The following OVCH1 variants were observed in gnomAD, a reference collection of about 807,000 sequenced individuals.
OVCH1 encodes the protein ovochymase-1.
In OVCH1, 139 loss-of-function variants were observed where a neutral mutation model predicts 138.4. The ratio of observed to expected loss-of-function variants is 1.00; its 90% confidence interval spans 0.87 to 1.16. OVCH1 has a LOEUF of 1.16. Among genes scored for constraint, OVCH1 ranks in the 50% most tolerant of loss-of-function variants. The pLI, the probability that OVCH1 is intolerant of heterozygous loss-of-function variation, is 0.00. For missense variants in OVCH1, 1,367 were observed against 1,357.9 expected (o/e 1.01, Z -0.11); for synonymous variants, 453 against 467.8 (o/e 0.97, Z 0.41).
At chr12:29,479,037 C>T in intron 8 of OVCH1, 69 bp from the exon 10 acceptor site, 1 of 532,390 alleles carries the variant, frequency 1.9e-6, no homozygotes. Flanking sequence ...AAATCTAATA[C>T]CTGTGCTTTA....
At chr12:29,417,507 G>A (rs1941047031) in intron 3 of OVCH1, among the ~76,000 whole-genome samples, 1 of 150,862 alleles carries the variant, frequency 6.6e-6, no homozygotes, top group Non-Finnish European at 1.5e-5. Flanking sequence ...AATCCTTGGG[G>A]TGATTGATAG....
intron 9 of OVCH1, among the ~76,000 whole-genome samples, chr12:29,478,628 T>C (rs1942822940): frequency 6.6e-6 from 1 of 152,172 alleles, no homozygotes; most frequent in African/African-American, 2.4e-5. Flanking sequence ...GATAAGATCA[T>C]TGCCCTTGGT....
At chr12:29,485,411 C>T (rs988893796) in intron 8 of OVCH1, among the ~76,000 whole-genome samples, 14 of 149,632 alleles carry the variant, frequency 9.4e-5, no homozygotes, top group African/African-American at 3.2e-4. Context: ...GAGGCCGAGG[C>T]GGGTGGATCA....
intron 27 of OVCH1, chr12:29,427,684 A>C: frequency 1.3e-6 from 2 of 1,543,350 alleles, no homozygotes; most frequent in Admixed American, 2.0e-5. Flanking sequence ...GAAACCACTC[A>C]GTCTATGGTA....
chr12:29,496,127 C>T, intron 3 of OVCH1, 54 bp downstream of exon 3: 1 of 1,469,776 alleles, frequency 6.8e-7, no homozygotes, highest in Non-Finnish European at 9.4e-7. Context: ...ACAAATCTGC[C>T]AGTCGCATAG....
At chr12:29,451,223 A>C in intron 22 of OVCH1, 122 bp downstream of exon 22, 1 of 581,444 alleles carries the variant, frequency 1.7e-6, no homozygotes, top group Non-Finnish European at 2.9e-6. Flanking sequence ...GGGAAAAAGC[A>C]TTCCTATTAC....
At chr12:29,447,194 G>A (rs1202426733) in intron 22 of OVCH1, among the ~76,000 whole-genome samples, 2 of 152,094 alleles carry the variant, frequency 1.3e-5, no homozygotes, top group East Asian at 3.9e-4. Flanking sequence ...GCTGGGTACA[G>A]TAGCACATGC....
chr12:29,447,846 A>G (rs1368111728), intron 22 of OVCH1, among the ~76,000 whole-genome samples: 1 of 152,054 alleles, frequency 6.6e-6, no homozygotes, highest in African/African-American at 2.4e-5. Context: ...GGAGGTGACT[A>G]TTCTCTTGTT....
chr12:29,471,755 A>T (rs1942514355), intron 16 of OVCH1, 47 bp downstream of exon 16: 1 of 1,536,698 alleles, frequency 6.5e-7, no homozygotes, highest in African/African-American at 1.4e-5. Context: ...GGCATTACTT[A>T]CAAATGCATG....
At chr12:29,422,618 AAATT>A (rs1431095866), downstream of OVCH1, among the ~76,000 whole-genome samples, 2 of 152,322 alleles carry the variant, frequency 1.3e-5, no homozygotes, top group African/African-American at 4.8e-5. Context: ...ATAAACTAAC[AAATT>A]AATTAGGTTT....
downstream of OVCH1, chr12:29,423,382 A>T: frequency 9.5e-6 from 4 of 423,182 alleles, no homozygotes; most frequent in Non-Finnish European, 1.9e-5. Context: ...GTAACATTAA[A>T]TTCCAAACTG....
intron 19 of OVCH1, among the ~76,000 whole-genome samples, chr12:29,455,848 A>G (rs1484329709): frequency 6.6e-6 from 1 of 152,114 alleles, no homozygotes; most frequent in African/African-American, 2.4e-5. Context: ...AAATTTTTTT[A>G]AGGAAATCGG....
downstream of OVCH1, chr12:29,427,453 T>C: frequency 7.2e-7 from 1 of 1,396,736 alleles, no homozygotes; most frequent in Non-Finnish European, 9.7e-7. Context: ...GATTGTATGA[T>C]AGAGGAGGTC....
At chr12:29,402,870 AAG>A in the OVCH1 span, among the ~76,000 whole-genome samples, 139 of 152,110 alleles carry the variant, frequency 9.1e-4, no homozygotes, top group East Asian at 0.026. Context: ...TTAAAAGAGA[AAG>A]AGAGTGAGAA....
intron 8 of OVCH1, among the ~76,000 whole-genome samples, chr12:29,484,010 CTCTT>C (rs1038018343): frequency 6.6e-6 from 1 of 152,156 alleles, no homozygotes; most frequent in African/African-American, 2.4e-5. Context: ...TTTTGTCTAG[CTCTT>C]TCTACCAGAT....
At chr12:29,486,128 A>T in intron 8 of OVCH1, 122 bp downstream of exon 8, 2 of 963,554 alleles carry the variant, frequency 2.1e-6, no homozygotes, top group Non-Finnish European at 3.1e-6. Context: ...CAGGGCTTTT[A>T]AAGTTTACAT....
At chr12:29,455,525 G>GT in intron 19 of OVCH1, 120 bp from the exon 20 acceptor site, 1 of 1,150,624 alleles carries the variant, frequency 8.7e-7, no homozygotes, top group South Asian at 2.4e-5. Context: ...TTAAAGATTT[G>GT]TTTTGTCAAT....
downstream of OVCH1, chr12:29,427,472 G>A (rs1326789758): frequency 6.7e-7 from 1 of 1,498,404 alleles, no homozygotes; most frequent in Admixed American, 2.1e-5. Context: ...TCTCAGGTAA[G>A]GTAGCATTTG....
At chr12:29,458,429 T>C (rs1448891638) in intron 19 of OVCH1, among the ~76,000 whole-genome samples, 2 of 148,356 alleles carry the variant, frequency 1.3e-5, no homozygotes, top group Non-Finnish European at 3.0e-5. Flanking sequence ...GCTGGGAAAA[T>C]TGGATGTCCT....
Sources: gnomAD v4.1 joint callset for allele counts (sites outside exome capture counted in the v4.1 genomes callset) on GRCh38, gnomAD v4.1.1 for gene constraint, MANE v1.5 for transcripts, NCBI Gene and HGNC (gene_info 2026-07-23, HGNC 2026-07-21) for gene names.